The following ERBB4 variants were observed in gnomAD, a reference collection of about 807,000 sequenced individuals.
ERBB4 encodes receptor tyrosine-protein kinase erbB-4.
ERBB4 carries 42 observed loss-of-function variants against 158.0 expected under a neutral mutation model. The ratio of observed to expected loss-of-function variants is 0.27; its 90% CI spans 0.21 to 0.34. The LOEUF (loss-of-function observed/expected upper bound fraction) is 0.34, where lower values mean the gene tolerates loss of function less well. Ranked by LOEUF, ERBB4 falls within the 10% of genes least tolerant of loss-of-function variation. The pLI is 1.00. For missense variants in ERBB4, 1,333 were observed against 1,624.1 expected (o/e 0.82, Z 3.08); for synonymous variants, 583 against 558.7 (o/e 1.04, Z -0.61).
intron 1 of ERBB4, among the ~76,000 whole-genome samples, chr2:212,507,111 TC>T (rs752970428): frequency 7.2e-5 from 11 of 152,056 alleles, no homozygotes; most frequent in Non-Finnish European, 1.5e-4. Context: ...CTGCCTGTGC[TC>T]TATATGGAAC....
At chr2:212,212,615 T>C (rs960520927) in intron 1 of ERBB4, among the ~76,000 whole-genome samples, 2 of 151,008 alleles carry the variant, frequency 1.3e-5, no homozygotes, top group Non-Finnish European at 2.9e-5. Context: ...GCCAAGACAA[T>C]CCTATGCAAA....
At chr2:211,713,773 C>T in intron 7 of ERBB4, 125 bp from the exon 8 acceptor site, 2 of 658,034 alleles carry the variant, frequency 3.0e-6, no homozygotes, top group South Asian at 3.4e-5. Flanking sequence ...GTATCTTACC[C>T]TTAAACAACT....
In ERBB4 at chr2:212,129,670, A is replaced by C. The variant is rs114001450; in HGVS notation, c.83-4767T>G. Among the ~76,000 whole-genome samples, 1,056 of 152,142 alleles carry C rather than the reference A, an allele frequency of 6.9e-3. 6 individuals carry two copies. Among genetic ancestry groups the C allele is most frequent in the Middle Eastern group, 0.024 (7 of 294 alleles). On this transcript the variant is annotated intron_variant, in intron 1 of 27. Transcript: ENST00000342788. Reference sequence around the variant, plus strand: ...GCTATTCCTCAATAAATGATCAGGTAAGTTTTGTATATACCTTCTTAAAAT... The same window carrying C: ...GCTATTCCTCAATAAATGATCAGGTCAGTTTTGTATATACCTTCTTAAAAT...
intron 2 of ERBB4, among the ~76,000 whole-genome samples, chr2:212,092,888 A>G (rs1016735147): frequency 6.6e-6 from 1 of 152,164 alleles, no homozygotes; most frequent in Non-Finnish European, 1.5e-5. Flanking sequence ...CAGCAAACCA[A>G]CGTGGCACGT....
chr2:212,379,790 C>A (rs1294547416), intron 1 of ERBB4, among the ~76,000 whole-genome samples: 1 of 150,954 alleles, frequency 6.6e-6, no homozygotes, highest in African/African-American at 2.4e-5. Flanking sequence ...TTTTTCTTTT[C>A]TCTCTCTCCT....
At chr2:211,825,002 A>T (rs1322207632) in intron 3 of ERBB4, among the ~76,000 whole-genome samples, 1 of 151,976 alleles carries the variant, frequency 6.6e-6, no homozygotes, top group Non-Finnish European at 1.5e-5. Flanking sequence ...ACTGTTGGAA[A>T]GATTATTATG....
rs955588159 is a variant in ERBB4, at chr2:211,751,628, C to A, written c.557-924G>T. Among the ~76,000 whole-genome samples, 14 of 152,092 alleles carry A rather than the reference C, an allele frequency of 9.2e-5. 1 individual carries two copies. The highest frequency in any genetic ancestry group is 3.4e-4 in the African/African-American group (14 of 41,406). Reference sequence around the variant, plus strand: ...AATATTAATTGTTAATAGGATTCTCCCATTTAAAGTGTTTAACAACGTTAA... The same window carrying A: ...AATATTAATTGTTAATAGGATTCTCACATTTAAAGTGTTTAACAACGTTAA... On this transcript the variant is annotated intron_variant, in intron 4 of 27. Coordinates refer to ENST00000342788, the MANE Select transcript of ERBB4 (RefSeq NM_005235.3).
intron 1 of ERBB4, among the ~76,000 whole-genome samples, chr2:212,511,928 T>C (rs1388298216): frequency 1.3e-5 from 2 of 152,118 alleles, no homozygotes; most frequent in Non-Finnish European, 2.9e-5. Flanking sequence ...AGGTGTCATA[T>C]GCAGACATAA....
At chr2:212,135,972 A>G (rs1242539332) in intron 1 of ERBB4, among the ~76,000 whole-genome samples, 9 of 152,202 alleles carry the variant, frequency 5.9e-5, no homozygotes, top group Admixed American at 5.9e-4. Context: ...AGCTGGTAAA[A>G]TGCCAGTGGG....
chr2:211,698,249 T>C (rs1252033752), intron 12 of ERBB4, among the ~76,000 whole-genome samples: 1 of 149,230 alleles, frequency 6.7e-6, no homozygotes, highest in Admixed American at 6.7e-5. Flanking sequence ...GAGGCAGAGG[T>C]TGTCGTGGGC....
chr2:212,008,466 A>G (rs1326166925), intron 2 of ERBB4, among the ~76,000 whole-genome samples: 1 of 152,082 alleles, frequency 6.6e-6, no homozygotes, highest in Non-Finnish European at 1.5e-5. Context: ...CCCTTGATGA[A>G]CTCCTAGTAG....
intron 27 of ERBB4, among the ~76,000 whole-genome samples, chr2:211,385,743 A>G (rs768026620): frequency 2.0e-5 from 3 of 152,076 alleles, no homozygotes; most frequent in Admixed American, 1.3e-4. Context: ...CCTTTCCTCA[A>G]TGCAATCTAC....
At chr2:212,077,747 C>T (rs1164809519) in intron 2 of ERBB4, among the ~76,000 whole-genome samples, 1 of 151,884 alleles carries the variant, frequency 6.6e-6, no homozygotes. Context: ...AACATTTATG[C>T]TTATTGCACA....
intron 1 of ERBB4, among the ~76,000 whole-genome samples, chr2:212,160,465 T>A (rs866625058): frequency 2.0e-5 from 3 of 152,012 alleles, no homozygotes; most frequent in African/African-American, 7.2e-5. Flanking sequence ...AACCTTTTTT[T>A]AAAATCTGTA....
At chr2:212,267,059 T>C (rs1043371384) in intron 1 of ERBB4, among the ~76,000 whole-genome samples, 33 of 141,074 alleles carry the variant, frequency 2.3e-4, no homozygotes, top group African/African-American at 8.2e-4. Flanking sequence ...GATCATTAAA[T>C]GCTACTCGGA....
At chr2:212,451,030 T>A (rs1313376140) in intron 1 of ERBB4, among the ~76,000 whole-genome samples, 1 of 152,126 alleles carries the variant, frequency 6.6e-6, no homozygotes, top group Admixed American at 6.6e-5. Context: ...AATTTTTTTA[T>A]TTTTTTGTAA....
At chr2:211,600,279 G>A (rs2125811940) in intron 19 of ERBB4, among the ~76,000 whole-genome samples, 1 of 152,186 alleles carries the variant, frequency 6.6e-6, no homozygotes, top group Non-Finnish European at 1.5e-5. Context: ...CCCAAATCCT[G>A]CTGAAACAAG....
intron 1 of ERBB4, among the ~76,000 whole-genome samples, chr2:212,536,235 C>G (rs1882351): frequency 0.11 from 16,112 of 151,906 alleles, 1,148 homozygotes; most frequent in Non-Finnish European, 0.16. Context: ...TCACTCATAC[C>G]CCAGACAGTA....
At chr2:212,108,659 C>T (rs1259905259) in intron 2 of ERBB4, among the ~76,000 whole-genome samples, 3 of 149,596 alleles carry the variant, frequency 2.0e-5, no homozygotes, top group Non-Finnish European at 4.4e-5. Context: ...TCAACTATTC[C>T]CAATCACTTC....
Sources: allele counts gnomAD v4.1 joint callset (sites outside exome capture counted in the v4.1 genomes callset), GRCh38; gene constraint gnomAD v4.1.1; transcripts MANE v1.5; gene names NCBI Gene and HGNC (gene_info 2026-07-23, HGNC 2026-07-21).